USO1: variants seen among roughly 807,000 people sequenced by gnomAD.
The protein encoded by USO1 is USO1 vesicle transport factor.
A neutral mutation model predicts 124.5 loss-of-function variants in USO1; 57 were observed. The ratio of observed to expected loss-of-function variants is 0.46; its 90% CI spans 0.37 to 0.57. The LOEUF is 0.57. Ranked by LOEUF, USO1 falls within the 20% of genes least tolerant of loss-of-function variation. USO1 has a pLI of 0.00. For missense variants in USO1, 900 were observed against 1,040.6 expected (o/e 0.86, Z 1.86); for synonymous variants, 369 against 362.8 (o/e 1.02, Z -0.19).
Position 75,785,230 on chromosome 4 carries a change from TATC to T in USO1, c.856-1829_856-1827del, listed in dbSNP as rs1482671895. 2.0e-5 allele frequency among the ~76,000 whole-genome samples: 3 copies of T among 152,216 alleles called. No homozygotes were observed. In the South Asian group the frequency reaches 6.2e-4, roughly 31 times the overall value. On this transcript the variant is annotated intron_variant, in intron 9 of 23. Coordinates refer to ENST00000514213, the MANE Select transcript of USO1 (RefSeq NM_003715.4). ...TGTTGGAACTATTCATCATCACAGTTATCATGATTGCATTCTGAGCTACTAAAA... is the reference window on the plus strand; with the variant it reads ...TGTTGGAACTATTCATCATCACAGTTATGATTGCATTCTGAGCTACTAAAA...
intron 4 of USO1, among the ~76,000 whole-genome samples, chr4:75,759,387 A>G (rs1014658210): frequency 9.9e-5 from 15 of 150,854 alleles, no homozygotes; most frequent in African/African-American, 2.7e-4. Flanking sequence ...TGAGGTCAGG[A>G]GTTCGAGACC....
chr4:75,758,441 A>G (rs1721504031), intron 4 of USO1, among the ~76,000 whole-genome samples: 1 of 152,210 alleles, frequency 6.6e-6, no homozygotes, highest in Non-Finnish European at 1.5e-5. Context: ...ATAGATACAT[A>G]CTGACCTTGC....
rs1407537812 is a variant in USO1, at chr4:75,806,515, A to G, written c.2319A>G (p.Glu773=). ...CTTCCCAAACATCTGGCACAAATGA[A>G]CAGTCTTCAGCAATAGTTTCAGCTA... ...MKSSQTSGTN[E]QSSAIVSARD... is the part of the protein sequence containing the mutation. The change falls in exon 20 of 24, where the codon GAA becomes GAG. Residue 773 remains glutamate, a synonymous_variant. Coordinates refer to ENST00000514213, the MANE Select transcript of USO1 (RefSeq NM_003715.4). 2.6e-6 allele frequency: 4 copies of G among 1,561,824 alleles called. No individual in the cohort carries two copies. In the African/African-American group the frequency reaches 5.4e-5, roughly 21 times the overall value.
chr4:75,766,379 G>T (rs778788932), intron 4 of USO1, among the ~76,000 whole-genome samples: 4 of 152,160 alleles, frequency 2.6e-5, no homozygotes, highest in Non-Finnish European at 4.4e-5. Flanking sequence ...TTAGGACCAT[G>T]GTTCTCAAGT....
intron 3 of USO1, among the ~76,000 whole-genome samples, chr4:75,752,871 T>A (rs1263276351): frequency 6.6e-6 from 1 of 152,154 alleles, no homozygotes; most frequent in Non-Finnish European, 1.5e-5. Flanking sequence ...TTACTTCAGA[T>A]GTCATTTCGA....
At chr4:75,777,753 GGT>G (rs1722111437) in intron 8 of USO1, among the ~76,000 whole-genome samples, 1 of 152,144 alleles carries the variant, frequency 6.6e-6, no homozygotes, top group African/African-American at 2.4e-5. Flanking sequence ...AATGCAAAAT[GGT>G]ACAACTACTT....
intron 12 of USO1, 64 bp downstream of exon 12, chr4:75,790,861 G>A: frequency 2.1e-6 from 3 of 1,419,902 alleles, no homozygotes; most frequent in Non-Finnish European, 2.8e-6. Context: ...GCTTTTAATT[G>A]ATTCTTTCTT....
chr4:75,809,874 C>G (rs950635487), intron 21 of USO1, among the ~76,000 whole-genome samples: 1 of 152,202 alleles, frequency 6.6e-6, no homozygotes, highest in South Asian at 2.1e-4. Flanking sequence ...CTTACAGCCT[C>G]TACTCATTAC....
At chr4:75,789,082 CTA>C (rs1452161870) in intron 10 of USO1, among the ~76,000 whole-genome samples, 2 of 151,704 alleles carry the variant, frequency 1.3e-5, no homozygotes, top group African/African-American at 4.8e-5. Context: ...CTTTTTCTCT[CTA>C]GAAACTTTTG....
intron 1 of USO1, among the ~76,000 whole-genome samples, chr4:75,748,404 G>A (rs1376051408): frequency 6.6e-6 from 1 of 151,230 alleles, no homozygotes; most frequent in Non-Finnish European, 1.5e-5. Flanking sequence ...GCCTACACTG[G>A]TCTTGAACTC....
intron 8 of USO1, among the ~76,000 whole-genome samples, chr4:75,777,067 C>T (rs1722090636): frequency 6.6e-6 from 1 of 152,074 alleles, no homozygotes; most frequent in Non-Finnish European, 1.5e-5. Flanking sequence ...AAATAGATTG[C>T]AGGATATATC....
At chr4:75,784,957 C>T (rs979296428) in intron 9 of USO1, among the ~76,000 whole-genome samples, 5 of 152,088 alleles carry the variant, frequency 3.3e-5, no homozygotes, top group African/African-American at 9.7e-5. Flanking sequence ...TTACACTTGT[C>T]GTGAAGACCG....
chr4:75,801,946 A>C (rs890253325), intron 17 of USO1, among the ~76,000 whole-genome samples: 7 of 152,162 alleles, frequency 4.6e-5, no homozygotes, highest in Non-Finnish European at 8.8e-5. Flanking sequence ...CAGCCTCGCA[A>C]GTAGCTGGGA....
chr4:75,733,495 T>A (rs544441279), intron 1 of USO1, among the ~76,000 whole-genome samples: 10 of 152,326 alleles, frequency 6.6e-5, no homozygotes, highest in Middle Eastern at 3.4e-3. Flanking sequence ...GTTTGTTTTG[T>A]CTTTTTAATA....
intron 4 of USO1, among the ~76,000 whole-genome samples, chr4:75,763,485 A>G (rs1721680196): frequency 1.3e-5 from 2 of 152,182 alleles, no homozygotes; most frequent in Admixed American, 1.3e-4. Flanking sequence ...AGTAGGTTAA[A>G]CATATTAAAT....
At chr4:75,795,427 C>A in intron 13 of USO1, 1 of 681,486 alleles carries the variant, frequency 1.5e-6, no homozygotes, top group Non-Finnish European at 2.6e-6. Flanking sequence ...TTGGGTTTTG[C>A]TGATTGGTTT....
rs1361666855 is a variant in USO1 at position 75,805,231 on chromosome 4, A to G, written c.2217A>G (p.Ile739Met). The G allele has an allele frequency of 3.7e-6, 6 of 1,613,094 alleles. No individual in the cohort carries two copies. The highest frequency in any genetic ancestry group is 3.3e-5 in the Admixed American group (2 of 59,912). Residue 739 changes from isoleucine (I) to methionine (M), a missense_variant, in exon 19 of 24, where the codon ATA (isoleucine) becomes ATG (methionine). Coordinates refer to ENST00000514213, the MANE Select transcript of USO1 (RefSeq NM_003715.4). ...AAATTGGTAGATTGCGAGAAGAGAT[A>G]GAAGAATTAAAACGTAATCAGGAAC... ...PEEIGRLREE[I>M]EELKRNQELL...
chr4:75,739,538 C>CTTTTTTTTTTTTT (rs753369609), intron 1 of USO1, among the ~76,000 whole-genome samples: 1 of 105,418 alleles, frequency 9.5e-6, no homozygotes, highest in Non-Finnish European at 1.8e-5. Flanking sequence ...TTATCTTTTT[C>CTTTTTTTTTTTTT]TTTTTTTTTT....
rs183751156 is a variant in USO1 at position 75,762,735 on chromosome 4, T to G, written c.295+5162T>G. ...CAAGGTCAGGAGATCAAGACCATCC[T>G]GGCTAACATGGTGAAACCCCATCTC... On this transcript the variant is annotated intron_variant, in intron 4 of 23. Transcript: ENST00000514213. Among the ~76,000 whole-genome samples, 1,104 of 152,010 alleles carry G rather than the reference T, an allele frequency of 7.3e-3. 13 individuals are homozygous for G. Among genetic ancestry groups the G allele is most frequent in the African/African-American group, 0.026 (1,063 of 41,398 alleles).
Sources: allele counts gnomAD v4.1 joint callset (sites outside exome capture counted in the v4.1 genomes callset), GRCh38; gene constraint gnomAD v4.1.1; transcripts MANE v1.5; gene names NCBI Gene and HGNC (gene_info 2026-07-23, HGNC 2026-07-21).